The following SAMD12 variants were observed in gnomAD, a reference collection of about 807,000 sequenced individuals.
SAMD12 encodes the protein sterile alpha motif domain-containing protein 12.
In SAMD12, 9 loss-of-function variants were observed where a neutral mutation model predicts 15.0. That is an observed-to-expected ratio of 0.60 (90% CI 0.36 to 1.05). The LOEUF is 1.05. Among genes scored for constraint, SAMD12 ranks in the 50% least tolerant of loss-of-function variants. SAMD12 has a pLI of 0.01. For missense variants in SAMD12, 230 were observed against 234.2 expected, an observed-to-expected ratio of 0.98 and a Z score of 0.12; for synonymous variants, 86 against 90.1, an observed-to-expected ratio of 0.96 and a Z score of 0.25.
At chr8:118,321,149 ATATATATATATATATATATAT>A (rs1816249830) in intron 4 of SAMD12, among the ~76,000 whole-genome samples, 1 of 12,554 alleles carries the variant, frequency 8.0e-5, no homozygotes, top group Admixed American at 5.0e-4. Context: ...TAATAAATAT[ATATATATATATATATATATAT>A]ATATATATAT....
At chr8:118,546,810 T>C (rs1016026613) in intron 2 of SAMD12, among the ~76,000 whole-genome samples, 2 of 152,104 alleles carry the variant, frequency 1.3e-5, no homozygotes, top group Non-Finnish European at 2.9e-5. Flanking sequence ...CACAGACTCA[T>C]TGGGAACTGA....
intron 1 of SAMD12, among the ~76,000 whole-genome samples, chr8:118,583,272 AG>A (rs1222748571): frequency 6.6e-6 from 1 of 152,214 alleles, no homozygotes; most frequent in Non-Finnish European, 1.5e-5. Flanking sequence ...AAGAGAACTT[AG>A]TAGCCAAAGC....
intron 1 of SAMD12, among the ~76,000 whole-genome samples, chr8:118,615,919 C>A (rs1385633328): frequency 6.6e-6 from 1 of 152,202 alleles, no homozygotes; most frequent in Non-Finnish European, 1.5e-5. Context: ...GGAACTGCTG[C>A]CACAGCAAGT....
chr8:118,547,170 G>T (rs943489705), intron 2 of SAMD12, among the ~76,000 whole-genome samples: 11 of 152,060 alleles, frequency 7.2e-5, no homozygotes, highest in Admixed American at 2.0e-4. Flanking sequence ...TCGTGACCAG[G>T]GAAAAAGTTT....
intron 4 of SAMD12, among the ~76,000 whole-genome samples, chr8:118,308,166 T>C (rs1303695917): frequency 1.3e-5 from 2 of 152,228 alleles, no homozygotes; most frequent in Non-Finnish European, 2.9e-5. Flanking sequence ...ATTTCTTCAT[T>C]AAATTCTCCA....
chr8:118,323,516 C>G (rs763418042), intron 4 of SAMD12, among the ~76,000 whole-genome samples: 4 of 151,996 alleles, frequency 2.6e-5, no homozygotes, highest in Non-Finnish European at 5.9e-5. Context: ...AATCCCAGCA[C>G]TTTGGGAGGC....
intron 4 of SAMD12, among the ~76,000 whole-genome samples, chr8:118,259,875 G>A (rs1464469239): frequency 1.3e-5 from 2 of 152,066 alleles, no homozygotes; most frequent in African/African-American, 2.4e-5. Context: ...CATAGTATTG[G>A]TTGCTAGTAC....
chr8:118,331,845 G>C (rs2130501285), intron 4 of SAMD12, among the ~76,000 whole-genome samples: 1 of 152,338 alleles, frequency 6.6e-6, no homozygotes, highest in Admixed American at 6.5e-5. Context: ...AGCTGGAGGA[G>C]GAAAGTATGG....
chr8:118,462,830 C>T (rs988729129), intron 2 of SAMD12, among the ~76,000 whole-genome samples: 9 of 152,046 alleles, frequency 5.9e-5, no homozygotes, highest in African/African-American at 9.7e-5. Flanking sequence ...GGGCCGGGCG[C>T]GGTGGCTCAC....
At chr8:118,397,161 T>C (rs765640068) in intron 3 of SAMD12, among the ~76,000 whole-genome samples, 10 of 152,196 alleles carry the variant, frequency 6.6e-5, no homozygotes, top group Non-Finnish European at 1.3e-4. Flanking sequence ...AGGAGAAGTC[T>C]GGTTTGAGGT....
intron 1 of SAMD12, among the ~76,000 whole-genome samples, chr8:118,593,084 T>G (rs748891970): frequency 7.9e-5 from 12 of 152,208 alleles, no homozygotes; most frequent in Non-Finnish European, 1.8e-4. Flanking sequence ...TTTAACAAAC[T>G]CCATCCCTTG....
intron 4 of SAMD12, among the ~76,000 whole-genome samples, chr8:118,305,144 CAAAAAAAAAAAAAAAAAAA>C (rs56200866): frequency 0.014 from 703 of 48,906 alleles, 21 homozygotes; most frequent in African/African-American, 0.054. Flanking sequence ...GACTCCCTGT[CAAAAAAAAAAAAAAAAAAA>C]AAAAAAAAAA....
chr8:118,294,848 G>T (rs988165793), intron 4 of SAMD12, among the ~76,000 whole-genome samples: 1 of 152,016 alleles, frequency 6.6e-6, no homozygotes, highest in Non-Finnish European at 1.5e-5. Flanking sequence ...TCTGATTAAC[G>T]GGAATTTTTA....
At chr8:118,385,442 AC>A (rs1190998906) in intron 3 of SAMD12, among the ~76,000 whole-genome samples, 1 of 152,148 alleles carries the variant, frequency 6.6e-6, no homozygotes, top group Non-Finnish European at 1.5e-5. Context: ...TCCTGGTTCT[AC>A]AGCAGCTTCT....
At chr8:118,338,183 A>G (rs960178174) in intron 4 of SAMD12, among the ~76,000 whole-genome samples, 2 of 152,196 alleles carry the variant, frequency 1.3e-5, no homozygotes, top group Admixed American at 1.3e-4. Flanking sequence ...ATGTATAACT[A>G]CTCTACAGAT....
intron 2 of SAMD12, among the ~76,000 whole-genome samples, chr8:118,544,173 A>G (rs538397250): frequency 6.6e-6 from 1 of 152,298 alleles, no homozygotes; most frequent in South Asian, 2.1e-4. Context: ...TCAACTAAAT[A>G]TCATCATTTG....
At chr8:118,353,241 G>A (rs376522500) in intron 4 of SAMD12, among the ~76,000 whole-genome samples, 1 of 148,930 alleles carries the variant, frequency 6.7e-6, no homozygotes, top group East Asian at 2.0e-4. Flanking sequence ...CCATTATATG[G>A]TTTTGTCATA....
rs111714823 is a variant in SAMD12, at chr8:118,413,696, C to T, written c.322+26136G>A. Among the ~76,000 whole-genome samples the T allele has an allele frequency of 3.6e-4, 55 of 152,254 alleles. 1 individual carries two copies. Among genetic ancestry groups the T allele is most frequent in the African/African-American group, 1.3e-3 (54 of 41,526 alleles). On this transcript the variant is annotated intron_variant, in intron 3 of 3. Transcript: ENST00000314727. Reference sequence around the variant, plus strand: ...AAGTGTCTTGTGTCATACTACTTCTCACCCTTCATCCCAGGCTCTATGGCA... The same window carrying T: ...AAGTGTCTTGTGTCATACTACTTCTTACCCTTCATCCCAGGCTCTATGGCA...
chr8:118,246,383 T>C (rs942927397), intron 4 of SAMD12, among the ~76,000 whole-genome samples: 1 of 152,154 alleles, frequency 6.6e-6, no homozygotes, highest in Non-Finnish European at 1.5e-5. Context: ...AGACATTTTT[T>C]CTTTTCATCA....
Sources: allele counts gnomAD v4.1 joint callset (sites outside exome capture counted in the v4.1 genomes callset), GRCh38; gene constraint gnomAD v4.1.1; transcripts MANE v1.5; gene names NCBI Gene and HGNC (gene_info 2026-07-23, HGNC 2026-07-21).